The following EMSY variants were observed in gnomAD, a reference collection of about 807,000 sequenced individuals.
EMSY encodes BRCA2-interacting transcriptional repressor EMSY.
EMSY carries 26 observed loss-of-function variants against 134.6 expected under a neutral mutation model. The observed-to-expected ratio is 0.19, with a 90% CI of 0.14 to 0.27. The LOEUF is 0.27. EMSY is among the 10% of genes least tolerant of loss of function. The pLI, the probability that EMSY is intolerant of heterozygous loss-of-function variation, is 1.00. For synonymous variants in EMSY, 579 were observed against 577.8 expected, an observed-to-expected ratio of 1.00 and a Z score of -0.03; for missense variants, 1,305 against 1,611.4, an observed-to-expected ratio of 0.81 and a Z score of 3.26.
At chr11:76,512,908 AAAC>A (rs1166311739) in intron 9 of EMSY, among the ~76,000 whole-genome samples, 1 of 152,174 alleles carries the variant, frequency 6.6e-6, no homozygotes, top group Admixed American at 6.5e-5. Context: ...TAAAAAATTC[AAAC>A]AAAAAATGTT....
intron 2 of EMSY, among the ~76,000 whole-genome samples, chr11:76,450,047 T>G (rs1216064794): frequency 1.5e-5 from 2 of 135,676 alleles, no homozygotes; most frequent in African/African-American, 5.5e-5. Context: ...CTATTTCTTT[T>G]GTACATTTGC....
At chr11:76,462,256 T>G (rs966615888) in intron 6 of EMSY, among the ~76,000 whole-genome samples, 16 of 152,078 alleles carry the variant, frequency 1.1e-4, no homozygotes, top group African/African-American at 3.9e-4. Context: ...AATAAATAAA[T>G]AAATAAGTAA....
chr11:76,477,266 TTC>T (rs1459778401), intron 8 of EMSY, among the ~76,000 whole-genome samples: 1 of 144,006 alleles, frequency 6.9e-6, no homozygotes, highest in Non-Finnish European at 1.6e-5. Context: ...GTTAATTTAT[TTC>T]TGTTTTTTTT....
intron 16 of EMSY, among the ~76,000 whole-genome samples, 170 bp downstream of exon 17, chr11:76,538,120 A>G (rs1951292719): frequency 6.6e-6 from 1 of 150,648 alleles, no homozygotes; most frequent in South Asian, 2.1e-4. Flanking sequence ...AATGACTAGG[A>G]AAAAAAATAG....
exon 20 of EMSY, chr11:76,546,076 G>C: frequency 6.2e-7 from 1 of 1,614,198 alleles, no homozygotes; most frequent in Non-Finnish European, 8.5e-7. Context: ...TGGTGAAGCA[G>C]GATCATTACC....
At chr11:76,530,941 A>G (rs1951019378) in intron 14 of EMSY, among the ~76,000 whole-genome samples, 1 of 152,206 alleles carries the variant, frequency 6.6e-6, no homozygotes, top group African/African-American at 2.4e-5. Flanking sequence ...ACCTTTTGAT[A>G]TAATTTCAAA....
At chr11:76,523,704 C>CTTTTTTTTTTTTTTTTT (rs746491659) in intron 12 of EMSY, among the ~76,000 whole-genome samples, 39 of 80,536 alleles carry the variant, frequency 4.8e-4, no homozygotes, top group African/African-American at 1.2e-3. Context: ...TTGTTACTTT[C>CTTTTTTTTTTTTTTTTT]TTTTTTTTTT....
At chr11:76,472,450 AAT>A (rs1948611517) in intron 7 of EMSY, 112 bp from the exon 9 acceptor site, 1 of 1,006,554 alleles carries the variant, frequency 9.9e-7, no homozygotes, top group Non-Finnish European at 1.4e-6. Flanking sequence ...TTCTCTGTTG[AAT>A]TGCTTCTTCG....
chr11:76,540,113 A>G (rs1951378940), intron 17 of EMSY, among the ~76,000 whole-genome samples: 1 of 152,172 alleles, frequency 6.6e-6, no homozygotes. Flanking sequence ...TTATTTTTAA[A>G]TAGACTTAGT....
At chr11:76,470,907 A>G (rs962419610) in intron 7 of EMSY, among the ~76,000 whole-genome samples, 3 of 151,766 alleles carry the variant, frequency 2.0e-5, no homozygotes, top group African/African-American at 7.3e-5. Flanking sequence ...CCTTCATACT[A>G]TTCTCTCTGT....
intron 8 of EMSY, among the ~76,000 whole-genome samples, chr11:76,493,801 C>T (rs928933308): frequency 2.0e-5 from 3 of 152,168 alleles, no homozygotes; most frequent in African/African-American, 4.8e-5. Context: ...TTCCTGGATG[C>T]GAGACAAGAA....
At chr11:76,470,906 T>C (rs909497983) in intron 7 of EMSY, among the ~76,000 whole-genome samples, 3 of 152,148 alleles carry the variant, frequency 2.0e-5, no homozygotes, top group Non-Finnish European at 4.4e-5. Flanking sequence ...TCCTTCATAC[T>C]ATTCTCTCTG....
chr11:76,491,297 C>T (rs893187718), intron 8 of EMSY, among the ~76,000 whole-genome samples: 3 of 151,770 alleles, frequency 2.0e-5, no homozygotes, highest in African/African-American at 4.8e-5. Flanking sequence ...CCTCCTACCT[C>T]AGCCTCCTGA....
At chr11:76,494,333 T>A (rs1201662398) in intron 8 of EMSY, among the ~76,000 whole-genome samples, 1 of 152,210 alleles carries the variant, frequency 6.6e-6, no homozygotes, top group South Asian at 2.1e-4. Context: ...GACAATAGTT[T>A]AGTTAGGGAG....
At chr11:76,460,158 C>T (rs1948050343) in intron 6 of EMSY, 73 bp downstream of exon 7, 5 of 1,511,320 alleles carry the variant, frequency 3.3e-6, no homozygotes, top group Non-Finnish European at 4.6e-6. Flanking sequence ...TTAGACCTGC[C>T]TTCCTGGATT....
intron 7 of EMSY, among the ~76,000 whole-genome samples, chr11:76,466,202 G>A (rs1314103379): frequency 6.6e-6 from 1 of 152,196 alleles, no homozygotes; most frequent in Non-Finnish European, 1.5e-5. Context: ...GGGGAGAATA[G>A]CTAGGGATCT....
intron 4 of EMSY, among the ~76,000 whole-genome samples, chr11:76,456,250 ATACT>A: frequency 1.3e-5 from 2 of 152,190 alleles, no homozygotes; most frequent in South Asian, 2.1e-4. Context: ...TTCTAACATG[ATACT>A]TAATTTTTCA....
intron 2 of EMSY, among the ~76,000 whole-genome samples, chr11:76,451,424 C>T (rs1440986295): frequency 2.6e-5 from 4 of 152,160 alleles, no homozygotes; most frequent in African/African-American, 9.7e-5. Context: ...CTTTCGATTA[C>T]ACAGGAGGGA....
rs1373164470 is a variant in EMSY, at chr11:76,535,316, A to G, written c.2195-579A>G. 2.6e-5 allele frequency among the ~76,000 whole-genome samples: 4 copies of G among 152,274 alleles called. No homozygotes were observed. The South Asian group carries it at 6.2e-4, about 24-fold the overall frequency. Reference sequence around the variant, plus strand: ...CTCCAGATGTTACACTTGTCCTGTTATATCATGCTGGTTCTAGATCATCTG... The same window carrying G: ...CTCCAGATGTTACACTTGTCCTGTTGTATCATGCTGGTTCTAGATCATCTG... On this transcript the variant is annotated intron_variant, in intron 14 of 20. Coordinates refer to ENST00000334736, the Ensembl canonical transcript of EMSY.
Sources: allele counts gnomAD v4.1 joint callset (sites outside exome capture counted in the v4.1 genomes callset), GRCh38; gene constraint gnomAD v4.1.1; transcripts MANE v1.5; gene names NCBI Gene and HGNC (gene_info 2026-07-23, HGNC 2026-07-21).